NALF1: variants seen among roughly 807,000 people sequenced by gnomAD.
NALF1 encodes the protein family with sequence similarity 155 member A.
NALF1 carries 3 observed loss-of-function variants against 48.4 expected under a neutral mutation model. That is an observed-to-expected ratio of 0.06 (90% CI 0.03 to 0.16). The LOEUF (loss-of-function observed/expected upper bound fraction) is 0.16. Ranked by LOEUF, NALF1 falls within the 10% of genes least tolerant of loss-of-function variation. NALF1 has a pLI of 1.00. For synonymous variants in NALF1, 262 were observed against 245.7 expected, an observed-to-expected ratio of 1.07 and a Z score of -0.62; for missense variants, 526 against 571.5, an observed-to-expected ratio of 0.92 and a Z score of 0.81.
chr13:107,776,094 C>T (rs1877722975), intron 1 of NALF1, among the ~76,000 whole-genome samples: 1 of 152,176 alleles, frequency 6.6e-6, no homozygotes, highest in African/African-American at 2.4e-5. Context: ...CTTTTGAAAG[C>T]AGTTGGGAGA....
At chr13:107,503,528 A>T (rs1347746166) in intron 1 of NALF1, among the ~76,000 whole-genome samples, 4 of 152,148 alleles carry the variant, frequency 2.6e-5, no homozygotes, top group Non-Finnish European at 5.9e-5. Context: ...AGTGATTATT[A>T]AAAAGAATAT....
chr13:107,246,502 TAA>T (rs956174393), intron 1 of NALF1, among the ~76,000 whole-genome samples: 5 of 152,164 alleles, frequency 3.3e-5, no homozygotes, highest in African/African-American at 4.8e-5. Flanking sequence ...GATCGATTTT[TAA>T]AAAAAGTCTT....
chr13:107,213,471 G>A (rs959907008), intron 1 of NALF1, among the ~76,000 whole-genome samples: 2 of 152,072 alleles, frequency 1.3e-5, no homozygotes, highest in Non-Finnish European at 2.9e-5. Context: ...TTCCTCATTT[G>A]AGTATTAAAT....
chr13:107,503,035 C>A (rs979067279), intron 1 of NALF1, among the ~76,000 whole-genome samples: 3 of 152,126 alleles, frequency 2.0e-5, no homozygotes, highest in Non-Finnish European at 4.4e-5. Flanking sequence ...ATTCTACCAG[C>A]AGACTGGTTA....
intron 2 of NALF1, among the ~76,000 whole-genome samples, chr13:107,193,132 T>C (rs1187927561): frequency 6.6e-6 from 1 of 152,196 alleles, no homozygotes; most frequent in Non-Finnish European, 1.5e-5. Flanking sequence ...TTCCTCTTGG[T>C]GGTAGCTGAA....
chr13:107,297,253 C>T (rs1881744059), intron 1 of NALF1, among the ~76,000 whole-genome samples: 2 of 152,050 alleles, frequency 1.3e-5, no homozygotes, highest in African/African-American at 2.4e-5. Flanking sequence ...TTGTTTTTTA[C>T]CTCCAGTGTT....
intron 1 of NALF1, among the ~76,000 whole-genome samples, chr13:107,547,033 T>C (rs1379488268): frequency 6.6e-6 from 1 of 152,246 alleles, no homozygotes; most frequent in Non-Finnish European, 1.5e-5. Flanking sequence ...ACCTGTATCA[T>C]AGTTTTGTTA....
rs142214304 is a variant in NALF1 at position 107,790,671 on chromosome 13, G to A, written c.915+75011C>T. ...ATAGCAATTCTGCATACATTTATGCGAATAAAAGAAGCAGCTGTTTCACCA... is the reference window on the plus strand; with the variant it reads ...ATAGCAATTCTGCATACATTTATGCAAATAAAAGAAGCAGCTGTTTCACCA... On this transcript the variant is annotated intron_variant, in intron 1 of 2. Transcript: ENST00000375915. Among the ~76,000 whole-genome samples the A allele has an allele frequency of 2.6e-3, 389 of 152,196 alleles. 6 individuals are homozygous for A. Among genetic ancestry groups the A allele is most frequent in the African/African-American group, 8.8e-3 (366 of 41,536 alleles).
intron 1 of NALF1, among the ~76,000 whole-genome samples, chr13:107,666,770 C>T (rs1880868613): frequency 1.3e-5 from 2 of 151,632 alleles, no homozygotes; most frequent in Non-Finnish European, 2.9e-5. Context: ...TGAAGCATTG[C>T]CCCCATAATT....
At chr13:107,676,221 T>G (rs1881117857) in intron 1 of NALF1, among the ~76,000 whole-genome samples, 1 of 152,308 alleles carries the variant, frequency 6.6e-6, no homozygotes. Flanking sequence ...CCTTATAACC[T>G]TTCCAGTATA....
chr13:107,623,634 T>C (rs16970834), intron 1 of NALF1, among the ~76,000 whole-genome samples: 18,399 of 152,168 alleles, frequency 0.12, 1,593 homozygotes, highest in Admixed American at 0.21. Flanking sequence ...AAATCATATG[T>C]AGAAACGCAA....
At chr13:107,463,808 A>G (rs1884956555) in intron 1 of NALF1, among the ~76,000 whole-genome samples, 1 of 152,208 alleles carries the variant, frequency 6.6e-6, no homozygotes, top group African/African-American at 2.4e-5. Flanking sequence ...GCATTCCAAA[A>G]AAGCAGATAC....
Position 107,225,468 on chromosome 13 carries a change from G to T in NALF1, c.916-14713C>A, listed in dbSNP as rs557901810. Among the ~76,000 whole-genome samples the T allele has an allele frequency of 5.3e-5, 8 of 152,194 alleles. No individual in the cohort carries two copies. In the South Asian group the frequency reaches 1.2e-3, roughly 24 times the overall value. ...ATTTTTAAATTTTTAATAGAGATAG[G>T]ATCTCACTGTGTTGCCCAGGGTGGT... On this transcript the variant is annotated intron_variant, in intron 1 of 2. Transcript: ENST00000375915.
At chr13:107,236,830 T>C (rs920617397) in intron 1 of NALF1, among the ~76,000 whole-genome samples, 1 of 152,176 alleles carries the variant, frequency 6.6e-6, no homozygotes, top group African/African-American at 2.4e-5. Context: ...GATGTTTTTG[T>C]CTGTACTGAA....
At chr13:107,314,639 T>C (rs117919970) in intron 1 of NALF1, among the ~76,000 whole-genome samples, 1 of 152,256 alleles carries the variant, frequency 6.6e-6, no homozygotes, top group East Asian at 1.9e-4. Context: ...TCTTGAAAAC[T>C]TCCTCCTGCC....
intron 1 of NALF1, among the ~76,000 whole-genome samples, chr13:107,215,091 C>G (rs1350976848): frequency 2.0e-5 from 3 of 152,060 alleles, no homozygotes; most frequent in African/African-American, 7.2e-5. Context: ...GGTGGAAAGC[C>G]TTAGAGACCA....
At chr13:107,438,946 T>C (rs954775637) in intron 1 of NALF1, among the ~76,000 whole-genome samples, 2 of 151,638 alleles carry the variant, frequency 1.3e-5, no homozygotes, top group African/African-American at 4.8e-5. Context: ...CAATCATTCA[T>C]TTTAAGGTAT....
chr13:107,663,699 G>A (rs1390096861), intron 1 of NALF1, among the ~76,000 whole-genome samples: 1 of 152,062 alleles, frequency 6.6e-6, no homozygotes, highest in Non-Finnish European at 1.5e-5. Flanking sequence ...AACTGATCTT[G>A]ACAATGTCAT....
At chr13:107,620,334 T>C (rs1029467170) in intron 1 of NALF1, among the ~76,000 whole-genome samples, 10 of 152,170 alleles carry the variant, frequency 6.6e-5, no homozygotes, top group African/African-American at 1.7e-4. Context: ...CAAACACTAA[T>C]AGAGATAATC....
Sources: gnomAD v4.1 joint callset for allele counts (sites outside exome capture counted in the v4.1 genomes callset) on GRCh38, gnomAD v4.1.1 for gene constraint, MANE v1.5 for transcripts, NCBI Gene and HGNC (gene_info 2026-07-23, HGNC 2026-07-21) for gene names.